The following ACSS2 variants were observed in gnomAD, a reference collection of about 807,000 sequenced individuals.
ACSS2 encodes acetyl-coenzyme A synthetase, cytoplasmic.
In ACSS2, 58 loss-of-function variants were observed where a neutral mutation model predicts 90.6. That is an observed-to-expected ratio of 0.64 (90% CI 0.52 to 0.80). The LOEUF (loss-of-function observed/expected upper bound fraction) is 0.80. Among genes scored for constraint, ACSS2 ranks in the 30% least tolerant of loss-of-function variants. The pLI is 0.00. For synonymous variants in ACSS2, 300 were observed against 330.9 expected (o/e 0.91, Z 1.01); for missense variants, 759 against 912.0 (o/e 0.83, Z 2.16).
intron 2 of ACSS2, among the ~76,000 whole-genome samples, chr20:34,889,811 C>T (rs573650339): frequency 6.6e-6 from 1 of 152,068 alleles, no homozygotes; most frequent in Non-Finnish European, 1.5e-5. Flanking sequence ...TGGATTGGGT[C>T]TGGGGAGTGA....
intron 2 of ACSS2, among the ~76,000 whole-genome samples, chr20:34,910,486 A>G (rs1195088430): frequency 6.6e-6 from 1 of 152,170 alleles, no homozygotes; most frequent in East Asian, 1.9e-4. Context: ...GCCTCTATGA[A>G]AAATTTTAAA....
At chr20:34,906,774 G>C (rs1230203891) in intron 2 of ACSS2, among the ~76,000 whole-genome samples, 1 of 151,964 alleles carries the variant, frequency 6.6e-6, no homozygotes, top group Non-Finnish European at 1.5e-5. Flanking sequence ...CCTGAGGTCA[G>C]GGGTGTGAGA....
At chr20:34,908,882 G>T in intron 2 of ACSS2, 1 of 344,888 alleles carries the variant, frequency 2.9e-6, no homozygotes, top group Admixed American at 3.9e-5. Flanking sequence ...AAAAAAAAAA[G>T]CACACATCTC....
intron 2 of ACSS2, chr20:34,908,976 A>G (rs2080879717): frequency 2.3e-6 from 1 of 431,050 alleles, no homozygotes; most frequent in Non-Finnish European, 4.6e-6. Context: ...AAAAATATTC[A>G]TTGAAGCATT....
chr20:34,919,563 C>A lies in ACSS2; in HGVS notation c.963C>A (p.Gly321=). The change falls in exon 8 of 18, where the codon GGC becomes GGA. Residue 321 remains glycine (G), a synonymous_variant. Transcript: ENST00000360596. ...LFILYTSGST[G]KPKGVVHTVG... ...TCCTGTACACCAGTGGCTCCACAGG[C>A]AAACCCAAGGCAAGTGTGTGTGTGT... 6.2e-7 allele frequency: 1 copy of A among 1,606,090 alleles called. No individual in the cohort carries two copies. Among genetic ancestry groups the A allele is most frequent in the East Asian group, 2.2e-5 (1 of 44,750 alleles).
intron 2 of ACSS2, among the ~76,000 whole-genome samples, chr20:34,903,532 C>T (rs553962365): frequency 2.2e-4 from 34 of 152,128 alleles, no homozygotes; most frequent in African/African-American, 7.5e-4. Flanking sequence ...AATATCTTCT[C>T]TTCCACAAAA....
chr20:34,889,096 G>A (rs2080270316), intron 2 of ACSS2, among the ~76,000 whole-genome samples: 1 of 148,986 alleles, frequency 6.7e-6, no homozygotes, highest in Non-Finnish European at 1.5e-5. Flanking sequence ...CCGCCATCAT[G>A]CCTGGCTAAT....
At chr20:34,881,044 T>C (rs1449987104) in intron 1 of ACSS2, among the ~76,000 whole-genome samples, 3 of 115,096 alleles carry the variant, frequency 2.6e-5, no homozygotes, top group African/African-American at 9.7e-5. Flanking sequence ...TTTTTTTTTT[T>C]GAGATAGAGT....
rs201877071 is a variant in ACSS2, at chr20:34,927,734, G to T, written c.*520G>T. 2.4e-3 allele frequency: 392 copies of T among 160,820 alleles called. 2 individuals are homozygous for T. Among genetic ancestry groups the T allele is most frequent in the African/African-American group, 9.1e-3 (381 of 41,706 alleles). The allele number at this position is 160,820 out of a possible 1,614,324, so 10.0% of individuals were successfully genotyped here. A position where few individuals can be genotyped will look rare whatever the true frequency, so the allele number is the denominator to read the frequency against. On this transcript the variant is annotated 3_prime_UTR_variant, in exon 18 of 18. Transcript: ENST00000360596. The surrounding 1 kb of genome is among the most constrained non-coding windows in gnomAD (Gnocchi z 4.2). ...TGTCTGCCCATTGGCTCCAGGGGCT[G>T]TATGGGCAGATTCAGTCTCCAGAGG...
Position 34,920,950 on chromosome 20 carries a change from G to A in ACSS2, c.1144-56G>A, listed in dbSNP as rs1406793655. ...TACTGAACCTGAGGGAATGGTAGGGGGATGAATAGAAGGACTATTAGGAAA... is the reference window on the plus strand; with the variant it reads ...TACTGAACCTGAGGGAATGGTAGGGAGATGAATAGAAGGACTATTAGGAAA... On this transcript the variant is annotated intron_variant, in intron 9 of 17. Coordinates refer to ENST00000360596, the MANE Select transcript of ACSS2 (RefSeq NM_018677.4). 2.5e-6 allele frequency: 4 copies of A among 1,608,446 alleles called. No individual in the cohort carries two copies. In the Admixed American group the frequency reaches 6.7e-5, roughly 27 times the overall value.
rs190397058 is a variant in ACSS2 at position 34,882,362 on chromosome 20, G to A, written c.179-432G>A. Among the ~76,000 whole-genome samples, 29 of 152,242 alleles carry A rather than the reference G, an allele frequency of 1.9e-4. No homozygotes were observed. The East Asian group carries it at 4.2e-3, about 22-fold the overall frequency. On this transcript the variant is annotated intron_variant, in intron 1 of 17. Transcript: ENST00000360596. ...CTGCTGGCCGGGCGCGGTGGCTCAAGCCTGTAATCCCAGCACTTTGGGAGT... is the reference window on the plus strand; with the variant it reads ...CTGCTGGCCGGGCGCGGTGGCTCAAACCTGTAATCCCAGCACTTTGGGAGT...
At chr20:34,890,289 T>C (rs2080302507) in intron 2 of ACSS2, among the ~76,000 whole-genome samples, 1 of 152,196 alleles carries the variant, frequency 6.6e-6, no homozygotes. Flanking sequence ...AAATTTTCCC[T>C]GCAAAATACA....
At chr20:34,925,507 G>T (rs2081297170) in intron 14 of ACSS2, among the ~76,000 whole-genome samples, 191 bp from the exon 15 acceptor site, 1 of 152,110 alleles carries the variant, frequency 6.6e-6, no homozygotes, top group South Asian at 2.1e-4. Context: ...TGAGAAAGAG[G>T]ACTGCAGGGC....
At chr20:34,914,579 G>A (rs549017718) in intron 7 of ACSS2, 142 bp downstream of exon 7, 1 of 723,744 alleles carries the variant, frequency 1.4e-6, no homozygotes, top group Non-Finnish European at 2.2e-6. Context: ...CCTCTAGCAG[G>A]GCTAGGTGGG....
At chr20:34,886,602 T>C (rs1412800704) in intron 2 of ACSS2, among the ~76,000 whole-genome samples, 8 of 152,126 alleles carry the variant, frequency 5.3e-5, no homozygotes, top group Admixed American at 6.6e-5. Flanking sequence ...CCAGCCTGGG[T>C]GACAGAGCAA....
At position 34,920,615 on chromosome 20, in the gene ACSS2, A is replaced by G; in HGVS notation, c.1049A>G (p.Glu350Gly). The change falls in exon 9 of 18, where the codon GAG (glutamate) becomes GGG (glycine). Residue 350 changes from glutamate (E) to glycine (G), a missense_variant. Physicochemically the swap from Glu to Gly is moderately conservative, Grantham distance 98. Coordinates refer to ENST00000360596, the MANE Select transcript of ACSS2 (RefSeq NM_018677.4). ...AAGTATGTGTTTGACTTCCATGCAG[A>G]GGATGTGTTCTGGTGCACGGCAGAC... The part of the protein sequence containing the change: ...TFKYVFDFHA[E>G]DVFWCTADIG... The G allele has an allele frequency of 6.2e-7, 1 of 1,614,164 alleles. No individual in the cohort carries two copies. Among genetic ancestry groups the G allele is most frequent in the Non-Finnish European group, 8.5e-7 (1 of 1,180,014 alleles).
intron 14 of ACSS2, among the ~76,000 whole-genome samples, chr20:34,924,840 C>T (rs2081282937): frequency 6.6e-6 from 1 of 152,080 alleles, no homozygotes; most frequent in South Asian, 2.1e-4. Flanking sequence ...GCTGGGATTA[C>T]AGGCGGGTGC....
intron 13 of ACSS2, chr20:34,922,083 G>A: frequency 8.6e-7 from 1 of 1,166,490 alleles, no homozygotes; most frequent in Non-Finnish European, 1.1e-6. Context: ...GGCGTTTTAA[G>A]AGTTGCTCAG....
chr20:34,879,105 C>T (rs2080002393), intron 1 of ACSS2, among the ~76,000 whole-genome samples: 1 of 151,786 alleles, frequency 6.6e-6, no homozygotes, highest in Non-Finnish European at 1.5e-5. Context: ...GGGCTTTCAC[C>T]GTGTTAGCCA....
Sources: gnomAD v4.1 joint callset for allele counts (sites outside exome capture counted in the v4.1 genomes callset) on GRCh38, gnomAD v4.1.1 for gene constraint, Gnocchi (gnomAD v3.1) non-coding constraint, MANE v1.5 for transcripts, NCBI Gene and HGNC (gene_info 2026-07-23, HGNC 2026-07-21) for gene names.